The following TRIM55 variants were observed in gnomAD, a reference collection of about 807,000 sequenced individuals.
TRIM55 encodes the protein tripartite motif containing 55, also known as tripartite motif-containing protein 55.
A neutral mutation model predicts 60.9 loss-of-function variants in TRIM55; 50 were observed. The ratio of observed to expected loss-of-function variants is 0.82; its 90% CI spans 0.65 to 1.04. The LOEUF (loss-of-function observed/expected upper bound fraction) is 1.04. TRIM55 is among the 50% of genes least tolerant of loss of function. The pLI is 0.00. For missense variants in TRIM55, 681 were observed against 666.9 expected, an observed-to-expected ratio of 1.02 and a Z score of -0.23; for synonymous variants, 237 against 238.1, an observed-to-expected ratio of 1.00 and a Z score of 0.04.
Position 66,161,701 on chromosome 8 carries a change from T to C in TRIM55, c.1524+7367T>C, listed in dbSNP as rs549644046. On this transcript the variant is annotated intron_variant, in intron 9 of 9. Transcript: ENST00000315962. ...ATCTATGATTTCTTTCCACAGTGTT[T>C]TGTAGATTTCCTGGTAGAGGTCATT... is the stretch of plus-strand genomic sequence containing the variant. Among the ~76,000 whole-genome samples the C allele has an allele frequency of 2.2e-3, 342 of 152,172 alleles. 4 individuals carry two copies. Among genetic ancestry groups the C allele is most frequent in the African/African-American group, 7.9e-3 (327 of 41,514 alleles).
intron 9 of TRIM55, among the ~76,000 whole-genome samples, chr8:66,171,619 T>C (rs1227128037): frequency 1.3e-5 from 2 of 152,226 alleles, no homozygotes; most frequent in East Asian, 3.8e-4. Context: ...CTGTCCCTTG[T>C]TCTGCTTCAT....
chr8:66,138,067 C>T (rs1035683825), intron 4 of TRIM55, among the ~76,000 whole-genome samples: 5 of 152,190 alleles, frequency 3.3e-5, no homozygotes, highest in African/African-American at 4.8e-5. Flanking sequence ...TTACAATCTC[C>T]CTGCTCTAAG....
chr8:66,153,179 CTT>C (rs1203417029), intron 8 of TRIM55, among the ~76,000 whole-genome samples: 1 of 152,096 alleles, frequency 6.6e-6, no homozygotes, highest in Non-Finnish European at 1.5e-5. Context: ...TGAAATACAA[CTT>C]ATGTATTTTT....
chr8:66,150,143 A>G, intron 5 of TRIM55, 74 bp from the exon 6 acceptor site: 1 of 1,536,140 alleles, frequency 6.5e-7, no homozygotes, highest in East Asian at 2.3e-5. Context: ...AGAGTCAACA[A>G]AGGAAATAAT....
chr8:66,135,186 C>T (rs201431119), intron 3 of TRIM55, 31 bp downstream of exon 3: 420 of 1,612,606 alleles, frequency 2.6e-4, no homozygotes, highest in African/African-American at 2.3e-3. Flanking sequence ...CTCCCGCAAC[C>T]CCTCCCCATC....
intron 2 of TRIM55, among the ~76,000 whole-genome samples, chr8:66,129,374 C>T (rs1472984693): frequency 6.6e-6 from 1 of 152,184 alleles, no homozygotes; most frequent in Non-Finnish European, 1.5e-5. Context: ...GAAATGGCCT[C>T]ATTGTGATTC....
At chr8:66,118,204 C>CATAGGAAAG in the TRIM55 span, among the ~76,000 whole-genome samples, 1 of 129,612 alleles carries the variant, frequency 7.7e-6, no homozygotes, top group Non-Finnish European at 1.6e-5. Flanking sequence ...AAGAAGTGTT[C>CATAGGAAAG]AGAGGAAAGT....
At chr8:66,113,932 T>TA in the TRIM55 span, among the ~76,000 whole-genome samples, 13,687 of 151,928 alleles carry the variant, frequency 0.09, 1,019 homozygotes, top group African/African-American at 0.2. Context: ...ACACGAAGCC[T>TA]AAAAATGACA....
intron 9 of TRIM55, among the ~76,000 whole-genome samples, chr8:66,167,718 G>A (rs1811402062): frequency 6.6e-6 from 1 of 152,074 alleles, no homozygotes; most frequent in Non-Finnish European, 1.5e-5. Context: ...TAATCACTCA[G>A]TTTGTATGGC....
rs1020664379 is a variant in TRIM55 at position 66,175,331 on chromosome 8, C to A, written c.*738C>A. 2 of 152,150 alleles carry A rather than the reference C, an allele frequency of 1.3e-5. No individual in the cohort carries two copies. Among genetic ancestry groups the A allele is most frequent in the Non-Finnish European group, 2.9e-5 (2 of 68,026 alleles). 9.4% of individuals were successfully genotyped at this position (152,150 alleles called of 1,614,324 possible). On this transcript the variant is annotated 3_prime_UTR_variant, in exon 10 of 10. Coordinates refer to ENST00000315962, the MANE Select transcript of TRIM55 (RefSeq NM_184085.2). The stretch of plus-strand genomic sequence containing the variant: ...GGCACCAATCTGGTAAATTGTAGAA[C>A]AATTGCATGTGTTTAAATATATATA...
the TRIM55 span, among the ~76,000 whole-genome samples, chr8:66,117,230 G>C: frequency 5.2e-4 from 79 of 152,322 alleles, no homozygotes; most frequent in African/African-American, 1.8e-3. Flanking sequence ...CTAAGACCAA[G>C]ACCAAGGCAA....
chr8:66,115,136 C>T, the TRIM55 span: 3,449 of 153,548 alleles, frequency 0.022, 139 homozygotes, highest in African/African-American at 0.079. Flanking sequence ...ATCTTCCACA[C>T]AAAGGCAGAA....
chr8:66,133,550 A>G lies in TRIM55; in HGVS notation c.342-1440A>G, dbSNP rs115441609. Among the ~76,000 whole-genome samples the G allele has an allele frequency of 5.8e-3, 886 of 152,342 alleles. 18 individuals carry two copies. The highest frequency in any genetic ancestry group is 0.02 in the African/African-American group (846 of 41,574). The stretch of plus-strand genomic sequence containing the variant: ...AATAATGTGGTCAAATCAGAAGGTC[A>G]TAGACTTCATGGAAAGCATATTGCT... On this transcript the variant is annotated intron_variant, in intron 2 of 9. Transcript: ENST00000315962.
At chr8:66,172,960 A>C (rs185483297) in intron 9 of TRIM55, among the ~76,000 whole-genome samples, 1 of 152,286 alleles carries the variant, frequency 6.6e-6, no homozygotes, top group Non-Finnish European at 1.5e-5. Context: ...CATGAGACTT[A>C]AGGGTTTGTT....
chr8:66,148,864 T>C (rs1227758019), intron 4 of TRIM55, among the ~76,000 whole-genome samples: 1 of 152,060 alleles, frequency 6.6e-6, no homozygotes, highest in Non-Finnish European at 1.5e-5. Flanking sequence ...GCCTGGCCAA[T>C]GTGGTGAAAC....
chr8:66,139,305 G>A (rs1809667596), intron 4 of TRIM55, among the ~76,000 whole-genome samples: 1 of 152,132 alleles, frequency 6.6e-6, no homozygotes, highest in Non-Finnish European at 1.5e-5. Flanking sequence ...TTTCTGTCTG[G>A]GATGGAGAAG....
intron 2 of TRIM55, among the ~76,000 whole-genome samples, chr8:66,130,567 G>GGC (rs1472871727): frequency 6.6e-6 from 1 of 151,016 alleles, no homozygotes; most frequent in African/African-American, 2.4e-5. Context: ...GGGGTCGGGG[G>GGC]GGGTGACCAA....
rs1809525755 is a variant in TRIM55 at position 66,137,137 on chromosome 8, G to A, written c.550G>A (p.Asp184Asn). 12 of 1,614,108 alleles carry A rather than the reference G, an allele frequency of 7.4e-6. No individual in the cohort carries two copies. The highest frequency in any genetic ancestry group is 1.1e-5 in the South Asian group (1 of 91,070). ...CATCGCCATCCTCGTGGGCAGCAAC[G>A]ATCGAGTCCAGGGAGTGATCAGCCA... Reference protein sequence around the residue: ...DGIAILVGSNDRVQGVISQLE... With the variant: ...DGIAILVGSNNRVQGVISQLE... Residue 184 changes from aspartate (D) to asparagine (N), a missense_variant, in exon 4 of 10, where the codon GAT becomes AAT. Transcript: ENST00000315962.
chr8:66,163,777 G>C (rs1811173532), intron 9 of TRIM55, among the ~76,000 whole-genome samples: 2 of 152,200 alleles, frequency 1.3e-5, no homozygotes, highest in East Asian at 1.9e-4. Context: ...TTCTGTACCT[G>C]TCAATTAAGG....
Sources: gnomAD v4.1 joint callset for allele counts (sites outside exome capture counted in the v4.1 genomes callset) on GRCh38, gnomAD v4.1.1 for gene constraint, MANE v1.5 for transcripts, NCBI Gene and HGNC (gene_info 2026-07-23, HGNC 2026-07-21) for gene names.